Variants in LRRC4C observed in about 807,000 individuals in gnomAD.
LRRC4C encodes the protein leucine-rich repeat-containing protein 4C.
LRRC4C carries 5 observed loss-of-function variants against 33.6 expected under a neutral mutation model. The observed-to-expected ratio is 0.15, with a 90% CI of 0.08 to 0.31. The LOEUF is 0.31. LRRC4C is among the 10% of genes least tolerant of loss of function. The probability of loss-of-function intolerance (pLI) is 1.00; values close to 1 mark genes in which losing one functional copy is unlikely to be tolerated. For synonymous variants in LRRC4C, 329 were observed against 302.0 expected (o/e 1.09, Z -0.93); for missense variants, 560 against 796.7 (o/e 0.70, Z 3.58).
At chr11:40,166,421 G>A (rs753016033) in intron 5 of LRRC4C, among the ~76,000 whole-genome samples, 3 of 152,134 alleles carry the variant, frequency 2.0e-5, no homozygotes, top group Non-Finnish European at 4.4e-5. Flanking sequence ...ACTCTTTGAT[G>A]TCAGGATAGT....
At chr11:41,036,020 C>T (rs61876997) in intron 1 of LRRC4C, among the ~76,000 whole-genome samples, 4,077 of 151,762 alleles carry the variant, frequency 0.027, 53 homozygotes, top group Middle Eastern at 0.045. Context: ...TTGGAATTTA[C>T]GTTTAGGAGA....
chr11:41,262,197 G>A (rs1293288591), intron 1 of LRRC4C, among the ~76,000 whole-genome samples: 2 of 151,896 alleles, frequency 1.3e-5, no homozygotes, highest in Admixed American at 1.3e-4. Context: ...GCCAGATTTT[G>A]TTTGAAAAAA....
intron 1 of LRRC4C, among the ~76,000 whole-genome samples, chr11:41,159,365 G>C (rs1944367751): frequency 6.6e-6 from 1 of 151,962 alleles, no homozygotes; most frequent in Non-Finnish European, 1.5e-5. Flanking sequence ...TGACAAGATG[G>C]ACAATGTTGA....
intron 3 of LRRC4C, among the ~76,000 whole-genome samples, chr11:40,382,082 A>G (rs1037808696): frequency 2.8e-5 from 4 of 143,116 alleles, no homozygotes; most frequent in Admixed American, 7.2e-5. Context: ...TCAGCTTCCC[A>G]AGTAGCTGGG....
chr11:40,617,846 A>G (rs757424362), intron 3 of LRRC4C, among the ~76,000 whole-genome samples: 9 of 151,724 alleles, frequency 5.9e-5, no homozygotes, highest in Non-Finnish European at 1.2e-4. Flanking sequence ...TTTGAAAGAC[A>G]AATGTTAGTG....
In LRRC4C at chr11:40,589,017, A is replaced by G. The variant is rs1341723843; in HGVS notation, c.-270+59125T>C. 7.9e-5 allele frequency among the ~76,000 whole-genome samples: 12 copies of G among 152,126 alleles called. No individual in the cohort carries two copies. The East Asian group carries it at 2.3e-3, about 30-fold the overall frequency. Reference sequence around the variant, plus strand: ...TCTGCTTGGTGCAGAGCTGAGTTCAATTGCTGGGTATCCTTGTTGACTTTC... The same window carrying G: ...TCTGCTTGGTGCAGAGCTGAGTTCAGTTGCTGGGTATCCTTGTTGACTTTC... On this transcript the variant is annotated intron_variant, in intron 3 of 6. Transcript: ENST00000528697.
intron 2 of LRRC4C, among the ~76,000 whole-genome samples, chr11:40,914,146 G>A (rs1956831664): frequency 6.6e-6 from 1 of 152,088 alleles, no homozygotes; most frequent in Admixed American, 6.6e-5. Flanking sequence ...CATTCCTTCT[G>A]ATACTATTTC....
At chr11:41,347,758 T>A (rs1951848506) in intron 1 of LRRC4C, among the ~76,000 whole-genome samples, 1 of 152,192 alleles carries the variant, frequency 6.6e-6, no homozygotes, top group Non-Finnish European at 1.5e-5. Flanking sequence ...CAGTGAGAGT[T>A]TATCTCCTAT....
At chr11:40,405,371 C>T (rs1346025461) in intron 3 of LRRC4C, among the ~76,000 whole-genome samples, 1 of 151,982 alleles carries the variant, frequency 6.6e-6, no homozygotes, top group South Asian at 2.1e-4. Context: ...CATGGTGGCT[C>T]ACGCCTGTAA....
chr11:40,389,803 A>T (rs1324575699), intron 3 of LRRC4C, among the ~76,000 whole-genome samples: 1 of 152,188 alleles, frequency 6.6e-6, no homozygotes, highest in Non-Finnish European at 1.5e-5. Flanking sequence ...TGAAGTTGTT[A>T]TAAGTAGCTG....
intron 1 of LRRC4C, among the ~76,000 whole-genome samples, chr11:41,033,713 T>C (rs2137855098): frequency 6.6e-6 from 1 of 152,134 alleles, no homozygotes; most frequent in East Asian, 1.9e-4. Context: ...TTCTTCTAAG[T>C]CCTCCACATC....
chr11:40,777,905 G>T lies in LRRC4C; in HGVS notation c.-406-129627C>A, dbSNP rs182772544. ...GTGTTTCACCATGTTAGCCAGGATG[G>T]TCTCGATCTCCTGATCTCGTGATCC... is the stretch of plus-strand genomic sequence containing the variant. On this transcript the variant is annotated intron_variant, in intron 2 of 6. Coordinates refer to ENST00000528697, the MANE Select transcript of LRRC4C (RefSeq NM_001258419.2). Among the ~76,000 whole-genome samples the T allele has an allele frequency of 3.4e-3, 519 of 152,060 alleles. 3 individuals carry two copies. Among genetic ancestry groups the T allele is most frequent in the African/African-American group, 0.012 (486 of 41,500 alleles).
intron 1 of LRRC4C, among the ~76,000 whole-genome samples, chr11:40,958,017 T>C (rs1202703297): frequency 6.6e-6 from 1 of 151,642 alleles, no homozygotes; most frequent in Non-Finnish European, 1.5e-5. Flanking sequence ...TGATTGGGAT[T>C]TGTGCCTTTA....
chr11:40,758,839 C>T (rs1206561930), intron 2 of LRRC4C, among the ~76,000 whole-genome samples: 1 of 151,872 alleles, frequency 6.6e-6, no homozygotes, highest in African/African-American at 2.4e-5. Flanking sequence ...TTATCAAATT[C>T]CCTTTGTCTG....
At chr11:41,360,000 T>C (rs1170743903) in intron 1 of LRRC4C, among the ~76,000 whole-genome samples, 1 of 152,156 alleles carries the variant, frequency 6.6e-6, no homozygotes, top group Non-Finnish European at 1.5e-5. Context: ...CTGACCAACA[T>C]GGTGAAACCC....
intron 3 of LRRC4C, among the ~76,000 whole-genome samples, chr11:40,366,630 A>AT (rs777834922): frequency 5.1e-4 from 77 of 152,086 alleles, no homozygotes; most frequent in Non-Finnish European, 7.8e-4. Context: ...GTGTATTCTC[A>AT]TAAACTGAGA....
At chr11:41,201,131 C>T (rs780637262) in intron 1 of LRRC4C, among the ~76,000 whole-genome samples, 1 of 152,172 alleles carries the variant, frequency 6.6e-6, no homozygotes. Context: ...TCACACCTCC[C>T]CTATTTCAAA....
rs892202356 is a variant in LRRC4C at position 40,863,941 on chromosome 11, T to C, written c.-407+69694A>G. ...TCCAGCAAACATTGCATGTTCTCCT[T>C]TTTTCATCAAAAAATCTTAGATCAC... On this transcript the variant is annotated intron_variant, in intron 2 of 6. Coordinates refer to ENST00000528697, the MANE Select transcript of LRRC4C (RefSeq NM_001258419.2). Among the ~76,000 whole-genome samples, 47 of 140,268 alleles carry C rather than the reference T, an allele frequency of 3.4e-4. 2 individuals are homozygous for C. The highest frequency in any genetic ancestry group is 2.4e-3 in the Admixed American group (35 of 14,492). 92.0% of individuals were successfully genotyped at this position (140,268 alleles called of 152,430 possible).
At chr11:41,050,439 C>A (rs1296179659) in intron 1 of LRRC4C, among the ~76,000 whole-genome samples, 5 of 152,046 alleles carry the variant, frequency 3.3e-5, no homozygotes, top group Non-Finnish European at 7.4e-5. Flanking sequence ...TGATCTCCCT[C>A]CCCTTGCCCC....
Sources: gnomAD v4.1 joint callset for allele counts (sites outside exome capture counted in the v4.1 genomes callset) on GRCh38, gnomAD v4.1.1 for gene constraint, MANE v1.5 for transcripts, NCBI Gene and HGNC (gene_info 2026-07-23, HGNC 2026-07-21) for gene names.